Variants in AGBL4 observed in about 807,000 individuals in gnomAD.
The protein encoded by AGBL4 is AGBL carboxypeptidase 4.
AGBL4 carries 58 observed loss-of-function variants against 66.4 expected under a neutral mutation model. The ratio of observed to expected loss-of-function variants is 0.87; its 90% confidence interval spans 0.71 to 1.09. The LOEUF (loss-of-function observed/expected upper bound fraction) is 1.09. Among genes scored for constraint, AGBL4 ranks in the 50% least tolerant of loss-of-function variants. AGBL4 has a pLI of 0.00. For missense variants in AGBL4, 579 were observed against 631.0 expected (o/e 0.92, Z 0.88); for synonymous variants, 234 against 222.9 (o/e 1.05, Z -0.44).
intron 1 of AGBL4, among the ~76,000 whole-genome samples, chr1:49,928,654 G>A (rs751425146): frequency 2.6e-4 from 40 of 152,176 alleles, no homozygotes; most frequent in South Asian, 2.1e-4. Context: ...CTATAAACCC[G>A]TATATCCAAG....
Position 48,758,870 on chromosome 1 carries a change from GA to G in AGBL4, c.635-95630del, listed in dbSNP as rs369658674. On this transcript the variant is annotated intron_variant, in intron 6 of 13. Coordinates refer to ENST00000371839, the MANE Select transcript of AGBL4 (RefSeq NM_032785.4). ...CTGCATGAAGTATTTCACCCAAGTG[GA>G]GTGGTAGGTGACCTGCTGGGGCACT... 6 of 1,470,732 alleles carry G rather than the reference GA, an allele frequency of 4.1e-6. No homozygotes were observed. The African/African-American group carries it at 7.1e-5, about 17-fold the overall frequency. 91.1% of individuals were successfully genotyped at this position (1,470,732 alleles called of 1,614,324 possible). A position where few individuals can be genotyped will look rare whatever the true frequency, so the allele number is the denominator to read the frequency against.
intron 11 of AGBL4, among the ~76,000 whole-genome samples, chr1:48,546,986 G>C (rs1022211022): frequency 1.4e-4 from 22 of 152,032 alleles, no homozygotes; most frequent in Admixed American, 1.3e-3. Flanking sequence ...GCCTCTCTGA[G>C]GAGGGGATAT....
At chr1:49,701,589 G>C (rs2124628630) in intron 2 of AGBL4, among the ~76,000 whole-genome samples, 1 of 151,918 alleles carries the variant, frequency 6.6e-6, no homozygotes, top group South Asian at 2.1e-4. Flanking sequence ...AAGGAAAAAA[G>C]AGCAAAATAA....
At chr1:48,842,901 G>C (rs967263961) in intron 6 of AGBL4, among the ~76,000 whole-genome samples, 2 of 152,206 alleles carry the variant, frequency 1.3e-5, no homozygotes, top group Middle Eastern at 3.4e-3. Context: ...ATTATGCTAA[G>C]TGAAATAAGC....
intron 4 of AGBL4, among the ~76,000 whole-genome samples, chr1:49,188,227 T>A (rs1357450515): frequency 6.6e-6 from 1 of 152,106 alleles, no homozygotes; most frequent in Non-Finnish European, 1.5e-5. Context: ...CAGATGCTGC[T>A]CAGTATCATC....
At chr1:49,238,253 A>T (rs1408235959) in intron 4 of AGBL4, among the ~76,000 whole-genome samples, 3 of 152,176 alleles carry the variant, frequency 2.0e-5, no homozygotes, top group Non-Finnish European at 2.9e-5. Context: ...CATCCATTTT[A>T]AACATTTATT....
chr1:48,698,245 G>C (rs566670815), intron 6 of AGBL4, among the ~76,000 whole-genome samples: 2 of 152,326 alleles, frequency 1.3e-5, no homozygotes, highest in South Asian at 4.1e-4. Context: ...TGGGATGCAG[G>C]GTGCAGGGAA....
intron 5 of AGBL4, among the ~76,000 whole-genome samples, chr1:48,986,920 G>C (rs1660221173): frequency 6.6e-6 from 1 of 151,928 alleles, no homozygotes. Context: ...TATAGATTAT[G>C]ATAAAGTTGT....
chr1:49,702,007 T>A (rs1647103318), intron 2 of AGBL4, among the ~76,000 whole-genome samples: 1 of 151,398 alleles, frequency 6.6e-6, no homozygotes, highest in Non-Finnish European at 1.5e-5. Context: ...TATAAAAACA[T>A]TAAATAGATA....
intron 3 of AGBL4, among the ~76,000 whole-genome samples, chr1:49,575,845 A>G (rs1018576551): frequency 7.2e-5 from 11 of 151,948 alleles, no homozygotes; most frequent in Non-Finnish European, 5.9e-5. Flanking sequence ...GGGTATATCA[A>G]CTCTCCAGCT....
chr1:49,678,826 T>C (rs574419375), intron 3 of AGBL4, among the ~76,000 whole-genome samples: 45 of 152,174 alleles, frequency 3.0e-4, no homozygotes, highest in Non-Finnish European at 8.8e-5. Flanking sequence ...ACCCACTCTG[T>C]ATCATTTCAA....
chr1:49,383,704 A>T (rs1359554242), intron 3 of AGBL4, among the ~76,000 whole-genome samples: 2 of 152,154 alleles, frequency 1.3e-5, no homozygotes, highest in African/African-American at 4.8e-5. Context: ...TAGAAAACAT[A>T]CAGGAAAAGT....
chr1:49,812,005 C>A (rs897758105), intron 2 of AGBL4, among the ~76,000 whole-genome samples: 14 of 152,102 alleles, frequency 9.2e-5, no homozygotes, highest in African/African-American at 3.4e-4. Flanking sequence ...CTCATTCAAA[C>A]AAATTTTTGT....
intron 6 of AGBL4, among the ~76,000 whole-genome samples, chr1:48,716,705 G>C (rs11205527): frequency 6.6e-6 from 1 of 152,034 alleles, no homozygotes; most frequent in African/African-American, 2.4e-5. Context: ...TAATTCAAAT[G>C]GTCCTCAGGA....
At chr1:48,774,780 G>A (rs1644995657) in intron 6 of AGBL4, among the ~76,000 whole-genome samples, 1 of 152,198 alleles carries the variant, frequency 6.6e-6, no homozygotes, top group Non-Finnish European at 1.5e-5. Context: ...TGCAGTGCCT[G>A]AAGAGTCAAG....
At chr1:49,223,272 A>G (rs1168232382) in intron 4 of AGBL4, among the ~76,000 whole-genome samples, 1 of 152,168 alleles carries the variant, frequency 6.6e-6, no homozygotes, top group Non-Finnish European at 1.5e-5. Flanking sequence ...ATAACAGGAG[A>G]GTATCACAGA....
chr1:48,796,654 A>C (rs1645681954), intron 6 of AGBL4, among the ~76,000 whole-genome samples: 1 of 152,200 alleles, frequency 6.6e-6, no homozygotes, highest in African/African-American at 2.4e-5. Context: ...ACCCTTCAGC[A>C]CAGTTTAGCA....
At chr1:49,875,359 A>C (rs1399658488) in intron 1 of AGBL4, among the ~76,000 whole-genome samples, 1 of 110,838 alleles carries the variant, frequency 9.0e-6, no homozygotes, top group East Asian at 3.1e-4. Context: ...TCCTGTGTCC[A>C]TGTGATCTCA....
chr1:49,315,010 C>T (rs922729718), intron 3 of AGBL4, among the ~76,000 whole-genome samples: 2 of 152,008 alleles, frequency 1.3e-5, no homozygotes, highest in South Asian at 4.1e-4. Context: ...TCAGACTACA[C>T]TACAAGACTA....
Sources: gnomAD v4.1 joint callset for allele counts (sites outside exome capture counted in the v4.1 genomes callset) on GRCh38, gnomAD v4.1.1 for gene constraint, MANE v1.5 for transcripts, NCBI Gene and HGNC (gene_info 2026-07-23, HGNC 2026-07-21) for gene names.